Variants in PPP2CB observed in about 807,000 individuals in gnomAD.
PPP2CB encodes protein phosphatase 2 catalytic subunit beta.
In PPP2CB, 18 loss-of-function variants were observed where a neutral mutation model predicts 39.1. The observed-to-expected ratio is 0.46, with a 90% CI of 0.32 to 0.68. The LOEUF (loss-of-function observed/expected upper bound fraction) is 0.68. Among genes scored for constraint, PPP2CB ranks in the 30% least tolerant of loss-of-function variants. The pLI is 0.04. For missense variants in PPP2CB, 226 were observed against 396.9 expected (o/e 0.57, Z 3.66); for synonymous variants, 129 against 133.8 (o/e 0.96, Z 0.25).
chr8:30,808,881 C>CA (rs1362145564), intron 1 of PPP2CB, among the ~76,000 whole-genome samples: 1 of 150,340 alleles, frequency 6.7e-6, no homozygotes, highest in Non-Finnish European at 1.5e-5. Context: ...CTTTAGTTAA[C>CA]ATTCACTGCG....
intron 1 of PPP2CB, among the ~76,000 whole-genome samples, chr8:30,810,604 GGA>G (rs1806810090): frequency 6.6e-6 from 1 of 152,196 alleles, no homozygotes; most frequent in Non-Finnish European, 1.5e-5. Flanking sequence ...CATTAGAGCT[GGA>G]GAGAGATGTT....
chr8:30,792,296 C>T (rs1163374526), intron 5 of PPP2CB, among the ~76,000 whole-genome samples: 1 of 152,144 alleles, frequency 6.6e-6, no homozygotes, highest in Admixed American at 6.5e-5. Context: ...CTCCAGCAAT[C>T]CGCTTGCCTC....
chr8:30,812,303 C>T lies in PPP2CB; in HGVS notation c.102+17G>A, dbSNP rs1359537462. On this transcript the variant is annotated intron_variant, in intron 1 of 6. Transcript: ENST00000221138. ...CCCAGCCCCGCGCTCCCGCACTCGC[C>T]CCCGCGGCGCCCTCACCTTCTCGCA... is the stretch of plus-strand genomic sequence containing the variant. The T allele has an allele frequency of 4.7e-6, 7 of 1,503,560 alleles. No homozygotes were observed. Among genetic ancestry groups the T allele is most frequent in the Non-Finnish European group, 6.2e-6 (7 of 1,121,916 alleles). The allele number at this position is 1,503,560 out of a possible 1,614,324, so 93.1% of individuals were successfully genotyped here.
chr8:30,799,826 G>T, intron 1 of PPP2CB, 71 bp from the exon 2 acceptor site: 1 of 1,413,878 alleles, frequency 7.1e-7, no homozygotes, highest in South Asian at 1.3e-5. Flanking sequence ...AGAAAATTTG[G>T]GGAAAAAAAC....
intron 2 of PPP2CB, among the ~76,000 whole-genome samples, chr8:30,799,247 A>G (rs1221297157): frequency 1.3e-5 from 2 of 152,252 alleles, no homozygotes; most frequent in African/African-American, 4.8e-5. Context: ...CAGGAACAAC[A>G]GACTTTTCAA....
chr8:30,802,325 C>T (rs774639645), intron 1 of PPP2CB, among the ~76,000 whole-genome samples: 1 of 152,144 alleles, frequency 6.6e-6, no homozygotes, highest in Non-Finnish European at 1.5e-5. Context: ...TCCCAATACA[C>T]CACAAACATT....
At position 30,812,652 on chromosome 8, in the gene PPP2CB, T is replaced by G; in HGVS notation, c.-231A>C. 2.8e-6 allele frequency: 1 copy of G among 361,390 alleles called. No homozygotes were observed. 22.4% of individuals were successfully genotyped at this position (361,390 alleles called of 1,614,324 possible). A position where few individuals can be genotyped will look rare whatever the true frequency, so the allele number is the denominator to read the frequency against. ...CCTGGAGGAGACCCCCGCCCGCCCT[T>G]CCCCGCCCGGCCGCGCGCCGCGGGA... is the stretch of plus-strand genomic sequence containing the variant. On this transcript the variant is annotated 5_prime_UTR_variant, in exon 1 of 7. Transcript: ENST00000221138.
At chr8:30,789,034 G>A (rs1164123562) in intron 6 of PPP2CB, among the ~76,000 whole-genome samples, 2 of 150,822 alleles carry the variant, frequency 1.3e-5, no homozygotes, top group Non-Finnish European at 2.9e-5. Flanking sequence ...CTGTGGCCCT[G>A]CTCGGATGTT....
chr8:30,796,596 C>T (rs1806530396), intron 3 of PPP2CB, among the ~76,000 whole-genome samples: 1 of 152,094 alleles, frequency 6.6e-6, no homozygotes, highest in South Asian at 2.1e-4. Context: ...ACCATGTTGG[C>T]CAGGCTGGTC....
intron 1 of PPP2CB, among the ~76,000 whole-genome samples, chr8:30,808,822 T>C (rs1262802305): frequency 6.6e-6 from 1 of 152,176 alleles, no homozygotes; most frequent in Non-Finnish European, 1.5e-5. Context: ...ATTTTGCATT[T>C]CTTACAAAAG....
intron 2 of PPP2CB, 30 bp downstream of exon 2, chr8:30,799,516 G>T: frequency 6.4e-7 from 1 of 1,559,072 alleles, no homozygotes; most frequent in South Asian, 1.1e-5. Context: ...TTTAAATCTT[G>T]AAAAAAAAAT....
chr8:30,791,200 G>A lies in PPP2CB; in HGVS notation c.854C>T (p.Ser285Phe). Reference protein sequence around the residue: ...IMELDDTLKYSFLQFDPAPRR... With the variant: ...IMELDDTLKYFFLQFDPAPRR... ...ATTAAAATTTACAGTTACTCACAAG[G>A]AATATTTTAAAGTGTCATCTAATTC... The change falls in exon 6 of 7, where the codon TCC (serine) becomes TTC (phenylalanine). Residue 285 changes from serine to phenylalanine, a missense_variant. Physicochemically the swap from Ser to Phe is radical, Grantham distance 155 (BLOSUM62 -2). Around this residue, in one of 4 missense-constraint regions of PPP2CB, gnomAD observed 56 missense variants for 92.0 expected, o/e 0.61. Transcript: ENST00000221138. 1 of 1,583,158 alleles carries A rather than the reference G, an allele frequency of 6.3e-7. No homozygotes were observed. The highest frequency in any genetic ancestry group is 8.6e-7 in the Non-Finnish European group (1 of 1,160,772).
intron 1 of PPP2CB, among the ~76,000 whole-genome samples, chr8:30,807,704 T>G (rs1806746738): frequency 6.6e-6 from 1 of 152,222 alleles, no homozygotes; most frequent in South Asian, 2.1e-4. Flanking sequence ...CAGTTAAATA[T>G]AGTTCTAGTC....
chr8:30,812,793 TC>T lies in PPP2CB; in HGVS notation c.-373del. ...GGCCCGCCTCACGCCTACCGGCCTC[TC>T]CCGACTTGTCTTTCCCCTTCTCTCG... is the stretch of plus-strand genomic sequence containing the variant. On this transcript the variant is annotated 5_prime_UTR_variant, in exon 1 of 7. Transcript: ENST00000221138. 1 of 463,104 alleles carries T rather than the reference TC, an allele frequency of 2.2e-6. No homozygotes were observed. The highest frequency in any genetic ancestry group is 1.5e-5 in the South Asian group (1 of 64,604). 28.7% of individuals were successfully genotyped at this position (463,104 alleles called of 1,614,324 possible).
At chr8:30,786,397 C>A in intron 6 of PPP2CB, 90 bp from the exon 7 acceptor site, 1 of 1,077,874 alleles carries the variant, frequency 9.3e-7, no homozygotes, top group Admixed American at 2.4e-5. Flanking sequence ...GTAGAAACAG[C>A]AGTCCTGCTT....
At position 30,793,965 on chromosome 8, in the gene PPP2CB, A is replaced by G. The variant is rs1196599389; in HGVS notation, c.690T>C (p.His230=). The change falls in exon 5 of 7, where the codon CAT becomes CAC. Residue 230 remains histidine (H), a synonymous_variant. Transcript: ENST00000221138. The stretch of plus-strand genomic sequence containing the variant: ...GAGAAACCAGTGTGAGACCATTGGC[A>G]TGGTTAAAGGTTTCAGAAATGTCTT... ...FGQDISETFN[H]ANGLTLVSRA... 1.2e-6 allele frequency: 2 copies of G among 1,614,064 alleles called. No individual in the cohort carries two copies. The highest frequency in any genetic ancestry group is 2.2e-5 in the East Asian group (1 of 44,878).
intron 5 of PPP2CB, chr8:30,791,526 C>T (rs914673746): frequency 2.1e-5 from 8 of 385,682 alleles, no homozygotes; most frequent in Admixed American, 4.6e-5. Flanking sequence ...AAATGCAGCT[C>T]GCTAATTGTT....
intron 1 of PPP2CB, chr8:30,809,931 C>CGT (rs1312520640): frequency 8.7e-6 from 1 of 115,116 alleles, no homozygotes; most frequent in East Asian, 2.1e-4. Flanking sequence ...ACCAAGACTG[C>CGT]GTCCCCCCCC....
At chr8:30,800,836 A>T (rs1378331514) in intron 1 of PPP2CB, among the ~76,000 whole-genome samples, 1 of 152,218 alleles carries the variant, frequency 6.6e-6, no homozygotes, top group South Asian at 2.1e-4. Context: ...GAAAACCACG[A>T]AAGCTAAGAG....
Sources: gnomAD v4.1 joint callset for allele counts (sites outside exome capture counted in the v4.1 genomes callset) on GRCh38, gnomAD v4.1.1 for gene constraint, gnomAD v4.1.1 regional missense constraint, MANE v1.5 for transcripts, NCBI Gene and HGNC (gene_info 2026-07-23, HGNC 2026-07-21) for gene names.